Variants in MAGI2 observed in about 807,000 individuals in gnomAD.
MAGI2 encodes membrane-associated guanylate kinase, WW and PDZ domain-containing protein 2.
MAGI2 carries 35 observed loss-of-function variants against 133.3 expected under a neutral mutation model. That is an observed-to-expected ratio of 0.26 (90% confidence interval 0.20 to 0.35). The LOEUF (loss-of-function observed/expected upper bound fraction) is 0.35. MAGI2 is among the 10% of genes least tolerant of loss of function. The pLI is 1.00. For missense variants in MAGI2, 1,636 were observed against 1,863.4 expected, an observed-to-expected ratio of 0.88 and a Z score of 2.25; for synonymous variants, 729 against 710.6, an observed-to-expected ratio of 1.03 and a Z score of -0.41.
intron 21 of MAGI2, among the ~76,000 whole-genome samples, chr7:78,062,435 C>T (rs1430460157): frequency 4.6e-5 from 7 of 152,252 alleles, no homozygotes. Context: ...CTCTCCACTC[C>T]TTTTCTAACT....
intron 16 of MAGI2, among the ~76,000 whole-genome samples, chr7:78,137,710 T>C (rs1350666717): frequency 2.0e-5 from 3 of 152,156 alleles, no homozygotes; most frequent in Non-Finnish European, 4.4e-5. Flanking sequence ...GTTCTCTGAT[T>C]TCACAAAAAA....
intron 6 of MAGI2, among the ~76,000 whole-genome samples, chr7:78,473,956 A>T (rs1477237298): frequency 6.6e-6 from 1 of 151,708 alleles, no homozygotes; most frequent in East Asian, 1.9e-4. Flanking sequence ...AACAGCTACA[A>T]CCTCCCCTAA....
rs966017131 is a variant in MAGI2 at position 78,431,657 on chromosome 7, C to T, written c.1045+58104G>A. ...TCCCAGAATCTATGGCAACTACCAA[C>T]GCCATGACCCAGAGACTTTCAGCAT... On this transcript the variant is annotated intron_variant, in intron 6 of 21. Transcript: ENST00000354212. Among the ~76,000 whole-genome samples the T allele has an allele frequency of 4.6e-5, 7 of 152,208 alleles. No homozygotes were observed. In the South Asian group the frequency reaches 6.2e-4, roughly 14 times the overall value.
chr7:78,281,021 A>G (rs528153131), intron 9 of MAGI2, among the ~76,000 whole-genome samples: 9 of 152,036 alleles, frequency 5.9e-5, no homozygotes, highest in African/African-American at 2.2e-4. Context: ...TTTACCTGCT[A>G]TCCTTCAAAG....
chr7:78,227,449 T>C (rs1789505214), intron 10 of MAGI2, among the ~76,000 whole-genome samples: 1 of 152,208 alleles, frequency 6.6e-6, no homozygotes, highest in African/African-American at 2.4e-5. Flanking sequence ...CTAGTCCATC[T>C]CACCTCTAAG....
rs1332394171 is a variant in MAGI2, at chr7:78,573,188, T to TTA, written c.539-51545_539-51544dup. 9.3e-3 allele frequency among the ~76,000 whole-genome samples: 730 copies of TTA among 78,094 alleles called. 18 individuals are homozygous for TTA. Among genetic ancestry groups the TTA allele is most frequent in the African/African-American group, 0.034 (611 of 18,084 alleles). 51.2% of individuals were successfully genotyped at this position (78,094 alleles called of 152,430 possible). ...TACACACACACGTACCCTGGAACTT[T>TTA]TATATATATATATATAAATATATAT... is the stretch of plus-strand genomic sequence containing the variant. On this transcript the variant is annotated intron_variant, in intron 3 of 21. Transcript: ENST00000354212.
chr7:78,699,941 A>G lies in MAGI2; in HGVS notation c.419-72702T>C, dbSNP rs57768033. 9.0e-3 allele frequency among the ~76,000 whole-genome samples: 1,370 copies of G among 152,268 alleles called. 20 individuals are homozygous for G. Among genetic ancestry groups the G allele is most frequent in the African/African-American group, 0.031 (1,286 of 41,554 alleles). On this transcript the variant is annotated intron_variant, in intron 2 of 21. Coordinates refer to ENST00000354212, the MANE Select transcript of MAGI2 (RefSeq NM_012301.4). Reference sequence around the variant, plus strand: ...TAATGTAAGTCCCCCATTTGAGAAGAGAAACTATGAAATAAAAACCATGAA... The same window carrying G: ...TAATGTAAGTCCCCCATTTGAGAAGGGAAACTATGAAATAAAAACCATGAA...
intron 1 of MAGI2, among the ~76,000 whole-genome samples, chr7:79,452,262 A>G (rs1200308350): frequency 2.6e-5 from 4 of 152,162 alleles, no homozygotes; most frequent in African/African-American, 9.7e-5. Context: ...ACCCCCGCCC[A>G]GCACTAGACT....
chr7:79,275,022 T>C (rs889092918), intron 1 of MAGI2, among the ~76,000 whole-genome samples: 2 of 152,276 alleles, frequency 1.3e-5, no homozygotes, highest in African/African-American at 2.4e-5. Context: ...CAGGCTTCCC[T>C]ATTCCCTGAG....
intron 2 of MAGI2, among the ~76,000 whole-genome samples, chr7:78,631,861 G>A (rs1809039272): frequency 2.0e-5 from 3 of 152,090 alleles, no homozygotes; most frequent in African/African-American, 7.2e-5. Flanking sequence ...TTGGGACTCA[G>A]CCACTTGTTA....
intron 9 of MAGI2, among the ~76,000 whole-genome samples, chr7:78,330,021 G>C (rs1344814677): frequency 1.3e-5 from 2 of 152,162 alleles, no homozygotes; most frequent in African/African-American, 2.4e-5. Flanking sequence ...TCCAAAGGGT[G>C]AACATCCTAA....
intron 2 of MAGI2, among the ~76,000 whole-genome samples, chr7:78,970,699 A>G (rs1302592287): frequency 6.6e-5 from 10 of 152,118 alleles, no homozygotes; most frequent in Admixed American, 2.6e-4. Flanking sequence ...TGACTCAGAA[A>G]ATATTGTGAC....
At chr7:78,957,707 G>A (rs114536691) in intron 2 of MAGI2, among the ~76,000 whole-genome samples, 4,385 of 152,094 alleles carry the variant, frequency 0.029, 192 homozygotes, top group African/African-American at 0.098. Flanking sequence ...GAGAGGTTAG[G>A]TAACTTACTC....
At chr7:79,113,509 G>C (rs1168253943) in intron 1 of MAGI2, among the ~76,000 whole-genome samples, 1 of 152,202 alleles carries the variant, frequency 6.6e-6, no homozygotes, top group Non-Finnish European at 1.5e-5. Flanking sequence ...CTGAATAACA[G>C]ATGCAAAGTG....
At chr7:78,189,695 G>T (rs1171666403) in intron 12 of MAGI2, among the ~76,000 whole-genome samples, 1 of 152,196 alleles carries the variant, frequency 6.6e-6, no homozygotes, top group African/African-American at 2.4e-5. Flanking sequence ...AAGAGTTTCA[G>T]GAAATAAGAA....
chr7:78,844,991 T>A (rs1584121554), intron 2 of MAGI2, among the ~76,000 whole-genome samples: 1 of 151,962 alleles, frequency 6.6e-6, no homozygotes, highest in Admixed American at 6.6e-5. Context: ...GAAAATATTT[T>A]AAAAACTCTC....
At chr7:78,623,647 C>A (rs1010984438) in intron 3 of MAGI2, among the ~76,000 whole-genome samples, 2 of 152,072 alleles carry the variant, frequency 1.3e-5, no homozygotes, top group African/African-American at 4.8e-5. Flanking sequence ...AACATCTCAG[C>A]CGCAATTTAG....
intron 4 of MAGI2, among the ~76,000 whole-genome samples, chr7:78,509,159 CAA>C (rs1423616597): frequency 6.6e-6 from 1 of 150,998 alleles, no homozygotes; most frequent in East Asian, 1.9e-4. Context: ...ACAATAAAAA[CAA>C]AGAATATTTC....
At chr7:78,434,625 T>G (rs1439200910) in intron 6 of MAGI2, among the ~76,000 whole-genome samples, 1 of 152,198 alleles carries the variant, frequency 6.6e-6, no homozygotes, top group African/African-American at 2.4e-5. Context: ...TCCTATATTA[T>G]CCTTTTACCC....
Sources: gnomAD v4.1 joint callset for allele counts (sites outside exome capture counted in the v4.1 genomes callset) on GRCh38, gnomAD v4.1.1 for gene constraint, MANE v1.5 for transcripts, NCBI Gene and HGNC (gene_info 2026-07-23, HGNC 2026-07-21) for gene names.